The following PRKCH variants were observed in gnomAD, a reference collection of about 807,000 sequenced individuals.
PRKCH encodes the protein protein kinase C eta type.
A neutral mutation model predicts 82.5 loss-of-function variants in PRKCH; 28 were observed. The ratio of observed to expected loss-of-function variants is 0.34; its 90% CI spans 0.25 to 0.47. The LOEUF is 0.47. Ranked by LOEUF, PRKCH falls within the 20% of genes least tolerant of loss-of-function variation. The pLI is 1.00. For synonymous variants in PRKCH, 322 were observed against 327.4 expected, an observed-to-expected ratio of 0.98 and a Z score of 0.18; for missense variants, 705 against 881.8, an observed-to-expected ratio of 0.80 and a Z score of 2.54.
At chr14:61,268,502 C>T (rs1024819510) in intron 1 of PRKCH, among the ~76,000 whole-genome samples, 1 of 152,042 alleles carries the variant, frequency 6.6e-6, no homozygotes, top group Non-Finnish European at 1.5e-5. Context: ...CCCGGCTCTA[C>T]TAAAAACACA....
At chr14:61,284,919 C>T (rs775356787) in intron 1 of PRKCH, among the ~76,000 whole-genome samples, 5 of 151,914 alleles carry the variant, frequency 3.3e-5, no homozygotes, top group Non-Finnish European at 5.9e-5. Context: ...GTCAAATTAC[C>T]TCATTTTGGA....
At position 61,453,372 on chromosome 14, in the gene PRKCH, T is replaced by G. The variant is rs374576990; in HGVS notation, c.960+19T>G. 3.7e-6 allele frequency: 6 copies of G among 1,608,386 alleles called. No homozygotes were observed. The African/African-American group carries it at 6.7e-5, about 18-fold the overall frequency. ...AACCTCGGTGAGACTTTGCTTTTTTTCCATGTCTCGTAATTTAGAAGTTGC... is the reference window on the plus strand; with the variant it reads ...AACCTCGGTGAGACTTTGCTTTTTTGCCATGTCTCGTAATTTAGAAGTTGC... On this transcript the variant is annotated intron_variant, in intron 7 of 13. Transcript: ENST00000332981.
intron 1 of PRKCH, among the ~76,000 whole-genome samples, chr14:61,230,891 C>T (rs532491757): frequency 6.6e-4 from 101 of 152,210 alleles, no homozygotes; most frequent in Non-Finnish European, 6.2e-4. Context: ...ATGGTTGATC[C>T]TGGAGAGGAG....
chr14:61,461,734 A>T (rs1885036431), intron 9 of PRKCH, among the ~76,000 whole-genome samples: 2 of 152,258 alleles, frequency 1.3e-5, no homozygotes, highest in African/African-American at 4.8e-5. Context: ...ATGTTATGGT[A>T]GAGTAAAATG....
At chr14:61,381,495 T>A (rs1198023774) in intron 1 of PRKCH, among the ~76,000 whole-genome samples, 1 of 152,242 alleles carries the variant, frequency 6.6e-6, no homozygotes, top group African/African-American at 2.4e-5. Flanking sequence ...GATGTAGTAT[T>A]TGCCTATTGC....
At chr14:61,464,189 G>A (rs1399458839) in intron 9 of PRKCH, among the ~76,000 whole-genome samples, 1 of 152,120 alleles carries the variant, frequency 6.6e-6, no homozygotes, top group Non-Finnish European at 1.5e-5. Context: ...CACCAACAGT[G>A]TACAAGGGTT....
At chr14:61,390,788 C>G (rs140323637) in intron 1 of PRKCH, 1 of 156,814 alleles carries the variant, frequency 6.4e-6, no homozygotes, top group South Asian at 2.0e-4. Flanking sequence ...ACTTTTTACT[C>G]CATAAAACTA....
At chr14:61,358,085 G>A (rs1351392595) in intron 1 of PRKCH, among the ~76,000 whole-genome samples, 3 of 152,046 alleles carry the variant, frequency 2.0e-5, no homozygotes, top group African/African-American at 7.3e-5. Flanking sequence ...GTTAAGATTG[G>A]GGCTCTGGAA....
chr14:61,511,006 G>A lies in PRKCH; in HGVS notation c.1434-18069G>A, dbSNP rs191633686. Among the ~76,000 whole-genome samples the A allele has an allele frequency of 2.8e-3, 429 of 152,178 alleles. 6 individuals carry two copies. Among genetic ancestry groups the A allele is most frequent in the African/African-American group, 9.6e-3 (397 of 41,484 alleles). On this transcript the variant is annotated intron_variant, in intron 10 of 13. Transcript: ENST00000332981. ...GGAGGGTGGAGGAGGAGGAGCCTCCGGAGGAGACACTTAGGGGTGGTGAGA... is the reference window on the plus strand; with the variant it reads ...GGAGGGTGGAGGAGGAGGAGCCTCCAGAGGAGACACTTAGGGGTGGTGAGA...
intron 1 of PRKCH, among the ~76,000 whole-genome samples, chr14:61,258,310 C>T (rs1014587473): frequency 2.0e-5 from 3 of 150,870 alleles, no homozygotes; most frequent in African/African-American, 7.3e-5. Context: ...AAACCTGGAC[C>T]AAAAAAAAGT....
chr14:61,328,410 G>A (rs199658367), intron 1 of PRKCH, among the ~76,000 whole-genome samples: 6 of 124,712 alleles, frequency 4.8e-5, no homozygotes, highest in Non-Finnish European at 6.9e-5. Context: ...ACGTTATAAC[G>A]TTTTTCACTT....
At chr14:61,420,318 A>G (rs1228007681) in intron 2 of PRKCH, among the ~76,000 whole-genome samples, 3 of 151,470 alleles carry the variant, frequency 2.0e-5, no homozygotes, top group African/African-American at 7.3e-5. Flanking sequence ...GGCACATGCT[A>G]CTCCTCCTTT....
chr14:61,382,296 G>T (rs2046522581), intron 1 of PRKCH, among the ~76,000 whole-genome samples: 1 of 152,100 alleles, frequency 6.6e-6, no homozygotes, highest in African/African-American at 2.4e-5. Flanking sequence ...TGGGCGTGGT[G>T]GTGTACACCC....
At chr14:61,360,437 G>A (rs373578282) in intron 1 of PRKCH, among the ~76,000 whole-genome samples, 1 of 152,112 alleles carries the variant, frequency 6.6e-6, no homozygotes, top group Admixed American at 6.5e-5. Context: ...CATGGGAGGC[G>A]GAGGTTGCAG....
intron 1 of PRKCH, among the ~76,000 whole-genome samples, chr14:61,191,550 G>A (rs1252515090): frequency 6.6e-6 from 1 of 152,154 alleles, no homozygotes; most frequent in African/African-American, 2.4e-5. Context: ...GTGCACACCT[G>A]TAATCCCAGC....
intron 1 of PRKCH, among the ~76,000 whole-genome samples, chr14:61,200,392 T>A (rs979753326): frequency 2.0e-5 from 3 of 150,516 alleles, no homozygotes; most frequent in African/African-American, 7.3e-5. Flanking sequence ...TGAGTGAGTG[T>A]GTGTGTGTGT....
chr14:61,538,082 G>C (rs998038072), intron 12 of PRKCH, among the ~76,000 whole-genome samples: 12 of 152,244 alleles, frequency 7.9e-5, no homozygotes, highest in African/African-American at 2.7e-4. Flanking sequence ...AGCAAAGGTG[G>C]TCAGCCAGGA....
intron 2 of PRKCH, among the ~76,000 whole-genome samples, chr14:61,393,635 A>G (rs2046722343): frequency 6.6e-6 from 1 of 152,210 alleles, no homozygotes; most frequent in African/African-American, 2.4e-5. Flanking sequence ...GCACATGCAC[A>G]GTTTAGGAAG....
chr14:61,409,693 G>A (rs1882163031), intron 2 of PRKCH, among the ~76,000 whole-genome samples: 1 of 96,658 alleles, frequency 1.0e-5, no homozygotes, highest in African/African-American at 4.1e-5. Flanking sequence ...GACACAGTGA[G>A]ACCCTGTCTC....
Sources: gnomAD v4.1 joint callset for allele counts (sites outside exome capture counted in the v4.1 genomes callset) on GRCh38, gnomAD v4.1.1 for gene constraint, MANE v1.5 for transcripts, NCBI Gene and HGNC (gene_info 2026-07-23, HGNC 2026-07-21) for gene names.